DCDC1: variants seen among roughly 807,000 people sequenced by gnomAD.
DCDC1 encodes the protein doublecortin domain-containing protein 1.
In DCDC1, 200 loss-of-function variants were observed where a neutral mutation model predicts 178.3. That is an observed-to-expected ratio of 1.12 (90% confidence interval 1.00 to 1.26). The LOEUF (loss-of-function observed/expected upper bound fraction) is 1.26, where lower values mean the gene tolerates loss of function less well. Ranked by LOEUF, DCDC1 falls within the 50% of genes most tolerant of loss-of-function variation. The pLI is 0.00. For missense variants in DCDC1, 1,983 were observed against 1,749.2 expected (o/e 1.13, Z -2.38); for synonymous variants, 690 against 604.8 (o/e 1.14, Z -2.07).
intron 38 of DCDC1, among the ~76,000 whole-genome samples, chr11:30,876,402 G>A (rs1424396264): frequency 1.3e-5 from 2 of 152,194 alleles, no homozygotes; most frequent in Non-Finnish European, 2.9e-5. Flanking sequence ...CAAGAGTAAG[G>A]AAAGAGCAGG....
intron 9 of DCDC1, among the ~76,000 whole-genome samples, chr11:31,228,205 G>T (rs1359753887): frequency 1.3e-5 from 2 of 151,856 alleles, no homozygotes; most frequent in East Asian, 3.9e-4. Context: ...AATTTTCAAA[G>T]GATTAAAATT....
intron 20 of DCDC1, among the ~76,000 whole-genome samples, chr11:31,018,931 G>A (rs1952678259): frequency 6.6e-6 from 1 of 152,120 alleles, no homozygotes; most frequent in Admixed American, 6.6e-5. Context: ...AATGGAATAA[G>A]GATGAGATGG....
chr11:31,329,715 C>A (rs1459512913), intron 2 of DCDC1, among the ~76,000 whole-genome samples: 1 of 152,200 alleles, frequency 6.6e-6, no homozygotes, highest in East Asian at 1.9e-4. Context: ...CATGTCCCTA[C>A]AAAGGACATG....
intron 9 of DCDC1, among the ~76,000 whole-genome samples, chr11:31,213,539 G>A (rs1227657526): frequency 6.6e-6 from 1 of 151,926 alleles, no homozygotes; most frequent in African/African-American, 2.4e-5. Context: ...GACCAACATG[G>A]TGAAACCCCA....
chr11:31,188,247 C>T (rs1278348405), intron 9 of DCDC1, among the ~76,000 whole-genome samples: 1 of 152,004 alleles, frequency 6.6e-6, no homozygotes, highest in Non-Finnish European at 1.5e-5. Flanking sequence ...TAAACGGCTT[C>T]CTGCTCTAAG....
At chr11:31,009,578 C>G (rs1952052170) in intron 20 of DCDC1, among the ~76,000 whole-genome samples, 1 of 151,896 alleles carries the variant, frequency 6.6e-6, no homozygotes, top group Non-Finnish European at 1.5e-5. Flanking sequence ...CCCTGAGAAT[C>G]AGGAGTGCTG....
intron 20 of DCDC1, among the ~76,000 whole-genome samples, chr11:30,968,787 A>G (rs1949618434): frequency 7.2e-6 from 1 of 139,448 alleles, no homozygotes; most frequent in Non-Finnish European, 1.5e-5. Context: ...CTTGAAATGT[A>G]TAGGGAGGGA....
Position 31,307,531 on chromosome 11 carries a change from T to A in DCDC1, c.434+108A>T, listed in dbSNP as rs763232631. 4.3e-6 allele frequency: 6 copies of A among 1,410,754 alleles called. No individual in the cohort carries two copies. The East Asian group carries it at 1.4e-4, about 32-fold the overall frequency. 87.4% of individuals were successfully genotyped at this position (1,410,754 alleles called of 1,614,324 possible). On this transcript the variant is annotated intron_variant, in intron 4 of 38. Coordinates refer to ENST00000684477, the MANE Select transcript of DCDC1 (RefSeq NM_001387274.1). ...AAAAACAAAAACAAAACCCGAGAGA[T>A]GTGTTACATTTTAATGTCTGAGATA... is the stretch of plus-strand genomic sequence containing the variant.
chr11:31,089,399 T>C (rs1957667080), intron 17 of DCDC1, among the ~76,000 whole-genome samples: 1 of 152,186 alleles, frequency 6.6e-6, no homozygotes, highest in South Asian at 2.1e-4. Flanking sequence ...TCTATGATAA[T>C]GTGCCTTGGT....
chr11:30,887,925 C>T (rs1268212128), intron 36 of DCDC1, among the ~76,000 whole-genome samples: 1 of 150,820 alleles, frequency 6.6e-6, no homozygotes, highest in Non-Finnish European at 1.5e-5. Context: ...ATCACTTGAA[C>T]CCAGAAGGTG....
intron 9 of DCDC1, among the ~76,000 whole-genome samples, chr11:31,181,274 G>A (rs1968764411): frequency 6.6e-6 from 1 of 152,200 alleles, no homozygotes. Flanking sequence ...GGGAAGGGGA[G>A]GCTGTGGGTA....
chr11:30,925,258 G>T, intron 23 of DCDC1, 51 bp downstream of exon 23: 1 of 1,454,428 alleles, frequency 6.9e-7, no homozygotes, highest in Non-Finnish European at 9.6e-7. Flanking sequence ...ATTCTTTCTT[G>T]GATGGGGTAT....
At chr11:31,191,961 C>T (rs1404004930) in intron 9 of DCDC1, among the ~76,000 whole-genome samples, 1 of 151,986 alleles carries the variant, frequency 6.6e-6, no homozygotes, top group Non-Finnish European at 1.5e-5. Flanking sequence ...CTTGGCATGT[C>T]CAGCACATGG....
chr11:30,899,545 T>G lies in DCDC1; in HGVS notation c.4761A>C (p.Leu1587Phe), dbSNP rs1944501871. 6.4e-7 allele frequency: 1 copy of G among 1,561,396 alleles called. No homozygotes were observed. Among genetic ancestry groups the G allele is most frequent in the South Asian group, 1.2e-5 (1 of 80,600 alleles). ...LDTMRHKMRQ[L>F]KGRRVAACQP... Reference sequence around the variant, plus strand: ...CTTGATATAGTTCATACTGACCTTTTAACTGTCTCATTTTGTGTCTCATGG... The same window carrying G: ...CTTGATATAGTTCATACTGACCTTTGAACTGTCTCATTTTGTGTCTCATGG... Residue 1587 changes from leucine to phenylalanine, a missense_variant, in exon 34 of 39, where the codon TTA (leucine) becomes TTC (phenylalanine). By Grantham distance (22) the Leu-to-Phe change is conservative. Coordinates refer to ENST00000684477, the MANE Select transcript of DCDC1 (RefSeq NM_001387274.1).
At chr11:31,231,170 C>G (rs553075595) in intron 9 of DCDC1, among the ~76,000 whole-genome samples, 2 of 151,908 alleles carry the variant, frequency 1.3e-5, no homozygotes, top group Middle Eastern at 3.2e-3. Context: ...CCTATGTTGC[C>G]CAGGATGGTC....
At chr11:31,321,449 T>C (rs971263138) in intron 3 of DCDC1, among the ~76,000 whole-genome samples, 18 of 151,662 alleles carry the variant, frequency 1.2e-4, no homozygotes, top group East Asian at 9.8e-4. Flanking sequence ...TTCTTTGACT[T>C]GGAAAGGGAA....
At chr11:31,242,391 G>A (rs1977269044) in intron 8 of DCDC1, among the ~76,000 whole-genome samples, 1 of 151,798 alleles carries the variant, frequency 6.6e-6, no homozygotes, top group South Asian at 2.1e-4. Flanking sequence ...CCAATAACAT[G>A]GCAGCTAGCT....
At chr11:31,356,817 A>G (rs1314847291) in intron 1 of DCDC1, among the ~76,000 whole-genome samples, 1 of 151,312 alleles carries the variant, frequency 6.6e-6, no homozygotes, top group Non-Finnish European at 1.5e-5. Context: ...ACCTCTACGC[A>G]AATAAACTAG....
chr11:30,953,891 G>A (rs879867900), intron 20 of DCDC1, among the ~76,000 whole-genome samples: 5 of 150,802 alleles, frequency 3.3e-5, no homozygotes, highest in Admixed American at 1.3e-4. Flanking sequence ...AATAAATCTA[G>A]ATGAATAAGA....
Sources: gnomAD v4.1 joint callset for allele counts (sites outside exome capture counted in the v4.1 genomes callset) on GRCh38, gnomAD v4.1.1 for gene constraint, MANE v1.5 for transcripts, NCBI Gene and HGNC (gene_info 2026-07-23, HGNC 2026-07-21) for gene names.